Variants in IL36B observed in about 807,000 individuals in gnomAD.
The protein encoded by IL36B is interleukin 36 beta.
A neutral mutation model predicts 19.3 loss-of-function variants in IL36B; 23 were observed. That is an observed-to-expected ratio of 1.19 (90% CI 0.86 to 1.69). The LOEUF (loss-of-function observed/expected upper bound fraction) is 1.69, where lower values mean the gene tolerates loss of function less well. IL36B is among the 40% of genes most tolerant of loss of function. The pLI is 0.00. For synonymous variants in IL36B, 59 were observed against 59.7 expected (o/e 0.99, Z 0.05); for missense variants, 217 against 200.5 (o/e 1.08, Z -0.50).
At chr2:113,047,336 T>A (rs1015782908) in intron 1 of IL36B, among the ~76,000 whole-genome samples, 1 of 152,202 alleles carries the variant, frequency 6.6e-6, no homozygotes, top group South Asian at 2.1e-4. Flanking sequence ...TAGAAATGCT[T>A]CAATTAGCAT....
intron 1 of IL36B, among the ~76,000 whole-genome samples, chr2:113,051,045 C>T (rs1012558127): frequency 1.2e-4 from 18 of 151,632 alleles, no homozygotes; most frequent in African/African-American, 2.9e-4. Context: ...CGTGGCCTCC[C>T]GATCCTTGAA....
chr2:113,028,017 G>T, intron 4 of IL36B: 1 of 1,614,146 alleles, frequency 6.2e-7, no homozygotes, highest in South Asian at 1.1e-5. Flanking sequence ...CAGGGTAAGA[G>T]ACTGACTGAA....
At chr2:113,033,269 G>C (rs1278775233) in intron 1 of IL36B, among the ~76,000 whole-genome samples, 4 of 152,178 alleles carry the variant, frequency 2.6e-5, no homozygotes, top group Non-Finnish European at 5.9e-5. Context: ...CTCTCGCTCT[G>C]TCGCCAAGCT....
At chr2:113,029,120 C>T in intron 3 of IL36B, 42 bp from the exon 4 acceptor site, 1 of 1,594,072 alleles carries the variant, frequency 6.3e-7, no homozygotes, top group Non-Finnish European at 8.6e-7. Flanking sequence ...TTCAGTCTTT[C>T]TGGTCTGACA....
At chr2:113,030,351 G>T (rs999040058) in intron 3 of IL36B, among the ~76,000 whole-genome samples, 1 of 152,188 alleles carries the variant, frequency 6.6e-6, no homozygotes, top group East Asian at 1.9e-4. Flanking sequence ...GTATTTGAAG[G>T]TCATGGGTGA....
intron 4 of IL36B, 150 bp from the exon 5 acceptor site, chr2:113,028,265 G>C (rs1006122): frequency 0.76 from 493,194 of 647,986 alleles, 190,178 homozygotes; most frequent in East Asian, 0.93. Flanking sequence ...GGGCATTAGA[G>C]TGTTAAAAAC....
At chr2:113,044,407 C>T (rs1372954194) in intron 1 of IL36B, among the ~76,000 whole-genome samples, 1 of 151,992 alleles carries the variant, frequency 6.6e-6, no homozygotes, top group African/African-American at 2.4e-5. Context: ...ATCCTACCAC[C>T]TCAGCTTCTG....
chr2:113,026,846 A>G (rs1573364848), intron 4 of IL36B, among the ~76,000 whole-genome samples: 1 of 152,360 alleles, frequency 6.6e-6, no homozygotes, highest in East Asian at 1.9e-4. Flanking sequence ...GCCAATATAA[A>G]TGATTTTTTA....
chr2:113,026,206 C>T lies in IL36B; in HGVS notation c.288G>A (p.Gly96=). The T allele has an allele frequency of 3.7e-6, 6 of 1,613,884 alleles. No homozygotes were observed. Among genetic ancestry groups the T allele is most frequent in the Non-Finnish European group, 5.1e-6 (6 of 1,179,822 alleles). ...CAACTAGTTTCCAGCAAGTGTCCTT[C>T]CCTATGTTATCTTGGGAGCCCTGAA... The change falls in exon 5 of 6, where the codon GGG becomes GGA. Residue 96 remains glycine (G), a synonymous_variant. Transcript: ENST00000259213.
chr2:113,036,925 GA>G (rs1685176447), intron 1 of IL36B, among the ~76,000 whole-genome samples: 1 of 152,252 alleles, frequency 6.6e-6, no homozygotes, highest in Admixed American at 6.5e-5. Flanking sequence ...TGCCTGCAGG[GA>G]ATTTGCGCTG....
At position 113,037,419 on chromosome 2, in the gene IL36B, A is replaced by T. The variant is rs34418472; in HGVS notation, c.-57-5653T>A. On this transcript the variant is annotated intron_variant, in intron 1 of 5. Coordinates refer to ENST00000259213, the MANE Select transcript of IL36B (RefSeq NM_014438.5). Reference sequence around the variant, plus strand: ...AATCCCAGAACTTTGGGAGGCCAAGACAGGCGGATCACCTGAGGTTGGGAG... The same window carrying T: ...AATCCCAGAACTTTGGGAGGCCAAGTCAGGCGGATCACCTGAGGTTGGGAG... 1.6e-3 allele frequency among the ~76,000 whole-genome samples: 246 copies of T among 152,282 alleles called. 1 individual carries two copies. Among genetic ancestry groups the T allele is most frequent in the African/African-American group, 5.6e-3 (234 of 41,546 alleles).
chr2:113,046,456 A>G (rs527248342), intron 1 of IL36B, among the ~76,000 whole-genome samples: 25 of 152,042 alleles, frequency 1.6e-4, no homozygotes, highest in Middle Eastern at 3.4e-3. Context: ...TGATCCGCCC[A>G]CCTCGGCCCC....
chr2:113,030,573 A>T (rs1238015111), intron 3 of IL36B, among the ~76,000 whole-genome samples: 1 of 152,228 alleles, frequency 6.6e-6, no homozygotes, highest in African/African-American at 2.4e-5. Context: ...GAGGAATTAA[A>T]CATTGAAGTT....
At chr2:113,024,701 G>A (rs1684922012) in intron 5 of IL36B, among the ~76,000 whole-genome samples, 1 of 152,196 alleles carries the variant, frequency 6.6e-6, no homozygotes, top group Non-Finnish European at 1.5e-5. Context: ...AGATGGGCTG[G>A]CTGTCTATCT....
intron 1 of IL36B, among the ~76,000 whole-genome samples, chr2:113,040,872 C>G (rs1187197083): frequency 6.6e-6 from 1 of 152,040 alleles, no homozygotes; most frequent in Non-Finnish European, 1.5e-5. Flanking sequence ...AATTGCCAAG[C>G]TGGCCAGTCA....
At chr2:113,030,103 C>T (rs1213281212) in intron 3 of IL36B, among the ~76,000 whole-genome samples, 1 of 152,080 alleles carries the variant, frequency 6.6e-6, no homozygotes, top group African/African-American at 2.4e-5. Context: ...CAGTGGTGGG[C>T]ACCTGTAATC....
At chr2:113,049,955 A>T (rs1377542523) in intron 1 of IL36B, among the ~76,000 whole-genome samples, 1 of 142,838 alleles carries the variant, frequency 7.0e-6, no homozygotes, top group African/African-American at 2.5e-5. Context: ...AACTCCGTCT[A>T]AAAAAAAAAA....
At chr2:113,040,510 A>G (rs989443103) in intron 1 of IL36B, among the ~76,000 whole-genome samples, 1 of 152,236 alleles carries the variant, frequency 6.6e-6, no homozygotes, top group African/African-American at 2.4e-5. Flanking sequence ...AGAAATCCAC[A>G]TAACAACTAC....
chr2:113,035,945 T>C (rs1381805104), intron 1 of IL36B, among the ~76,000 whole-genome samples: 2 of 152,118 alleles, frequency 1.3e-5, no homozygotes, highest in South Asian at 2.1e-4. Context: ...TTTGCACTTT[T>C]CGATTCTTTT....
Sources: gnomAD v4.1 joint callset for allele counts (sites outside exome capture counted in the v4.1 genomes callset) on GRCh38, gnomAD v4.1.1 for gene constraint, MANE v1.5 for transcripts, NCBI Gene and HGNC (gene_info 2026-07-23, HGNC 2026-07-21) for gene names.